NELL1: variants seen among roughly 807,000 people sequenced by gnomAD.
NELL1 encodes protein kinase C-binding protein NELL1.
NELL1 carries 76 observed loss-of-function variants against 107.4 expected under a neutral mutation model. The ratio of observed to expected loss-of-function variants is 0.71; its 90% CI spans 0.59 to 0.86. The LOEUF (loss-of-function observed/expected upper bound fraction) is 0.86. Among genes scored for constraint, NELL1 ranks in the 40% least tolerant of loss-of-function variants. The probability of loss-of-function intolerance (pLI) is 0.00; values close to 1 mark genes in which losing one functional copy is unlikely to be tolerated. For synonymous variants in NELL1, 353 were observed against 341.2 expected (o/e 1.03, Z -0.38); for missense variants, 1,024 against 1,005.5 (o/e 1.02, Z -0.25).
chr11:21,349,068 A>G (rs567871755), intron 14 of NELL1, among the ~76,000 whole-genome samples: 3 of 152,276 alleles, frequency 2.0e-5, no homozygotes, highest in East Asian at 1.9e-4. Flanking sequence ...GGAAAGCACA[A>G]AAGGTCATTT....
At chr11:21,348,074 A>G (rs1375766289) in intron 14 of NELL1, among the ~76,000 whole-genome samples, 2 of 151,804 alleles carry the variant, frequency 1.3e-5, no homozygotes, top group Non-Finnish European at 2.9e-5. Flanking sequence ...GACAGGGTGA[A>G]TTATTGTTGT....
chr11:21,161,557 G>A (rs1856370732), intron 13 of NELL1, among the ~76,000 whole-genome samples: 2 of 151,874 alleles, frequency 1.3e-5, no homozygotes, highest in Non-Finnish European at 1.5e-5. Flanking sequence ...TAAAAAAATA[G>A]AACTGCTGCC....
At chr11:21,182,102 A>C (rs1012534572) in intron 13 of NELL1, among the ~76,000 whole-genome samples, 1 of 151,864 alleles carries the variant, frequency 6.6e-6, no homozygotes, top group Non-Finnish European at 1.5e-5. Context: ...CTGAGATTCA[A>C]ATTCTAGCAG....
At chr11:21,407,879 T>C (rs764622455) in intron 15 of NELL1, among the ~76,000 whole-genome samples, 4 of 151,896 alleles carry the variant, frequency 2.6e-5, no homozygotes, top group African/African-American at 4.8e-5. Context: ...TCCTATCAAC[T>C]CTCTATGGTC....
chr11:21,486,437 G>A (rs545847750), intron 15 of NELL1, among the ~76,000 whole-genome samples: 2 of 152,202 alleles, frequency 1.3e-5, no homozygotes, highest in South Asian at 4.2e-4. Flanking sequence ...AAAGCTGAAG[G>A]CCCCACCCAC....
chr11:20,709,105 A>C (rs368419559), intron 2 of NELL1, among the ~76,000 whole-genome samples: 4 of 152,032 alleles, frequency 2.6e-5, no homozygotes, highest in African/African-American at 9.7e-5. Context: ...GGTTCCTGAC[A>C]AGGGGTTGGG....
chr11:21,176,050 C>T (rs1333879616), intron 13 of NELL1, among the ~76,000 whole-genome samples: 2 of 151,788 alleles, frequency 1.3e-5, no homozygotes, highest in Non-Finnish European at 2.9e-5. Flanking sequence ...CTACTATTTC[C>T]TTCCTGCAAA....
At chr11:21,082,090 C>T (rs1319062618) in intron 12 of NELL1, among the ~76,000 whole-genome samples, 1 of 152,110 alleles carries the variant, frequency 6.6e-6, no homozygotes, top group Admixed American at 6.6e-5. Context: ...CTCTGGGGAC[C>T]TTGAAAATTA....
chr11:21,518,173 C>G (rs937889272), intron 15 of NELL1, among the ~76,000 whole-genome samples: 2 of 150,676 alleles, frequency 1.3e-5, no homozygotes, highest in African/African-American at 4.9e-5. Context: ...TTCCCCCTTT[C>G]AGAAGCACAA....
intron 12 of NELL1, among the ~76,000 whole-genome samples, chr11:21,074,677 GT>G (rs5790158): frequency 0.8 from 121,013 of 151,370 alleles, 48,670 homozygotes; most frequent in East Asian, 1. Flanking sequence ...TTACACATGT[GT>G]TTTTTTTTTA....
intron 14 of NELL1, among the ~76,000 whole-genome samples, chr11:21,292,906 C>T (rs1307947415): frequency 6.6e-6 from 1 of 152,106 alleles, no homozygotes; most frequent in Non-Finnish European, 1.5e-5. Context: ...TGGACCCCTT[C>T]CTTACACCTT....
At chr11:20,938,924 CTCTCTCTCTCTCTCTCTG>C (rs751477332) in intron 10 of NELL1, among the ~76,000 whole-genome samples, 2,442 of 123,070 alleles carry the variant, frequency 0.02, 22 homozygotes, top group Non-Finnish European at 0.031. Flanking sequence ...CTCTCTCTCT[CTCTCTCTCTCTCTCTCTG>C]TGTGTGTGTG....
At chr11:20,953,897 T>C (rs2134206137) in intron 11 of NELL1, among the ~76,000 whole-genome samples, 1 of 152,328 alleles carries the variant, frequency 6.6e-6, no homozygotes, top group Admixed American at 6.5e-5. Context: ...CCTGCTAGAA[T>C]GTAGGATGAA....
chr11:20,958,543 C>T (rs1851225503), intron 11 of NELL1, among the ~76,000 whole-genome samples: 1 of 151,906 alleles, frequency 6.6e-6, no homozygotes, highest in African/African-American at 2.4e-5. Flanking sequence ...TAATAGAAGC[C>T]AGAAAACATG....
intron 11 of NELL1, among the ~76,000 whole-genome samples, chr11:20,952,086 A>C (rs1851080086): frequency 6.6e-6 from 1 of 151,934 alleles, no homozygotes; most frequent in Non-Finnish European, 1.5e-5. Context: ...AATATTGACC[A>C]TGTATTCTCA....
intron 15 of NELL1, among the ~76,000 whole-genome samples, chr11:21,468,652 T>C (rs1219144247): frequency 2.0e-5 from 3 of 152,070 alleles, no homozygotes; most frequent in Non-Finnish European, 4.4e-5. Flanking sequence ...AGGTAGAACC[T>C]ATGACCATAC....
rs190908536 is a variant in NELL1, at chr11:21,249,414, A to G, written c.1549+19960A>G. ...AGAAGGTTTTTTTTTCTTATTCACT[A>G]AAACAGTTACTTATTTTTTTTTTCA... On this transcript the variant is annotated intron_variant, in intron 14 of 19. Coordinates refer to ENST00000357134, the MANE Select transcript of NELL1 (RefSeq NM_006157.5). Among the ~76,000 whole-genome samples the G allele has an allele frequency of 5.3e-5, 8 of 152,166 alleles. No individual in the cohort carries two copies. In the East Asian group the frequency reaches 7.8e-4, roughly 15 times the overall value.
At chr11:21,002,655 G>T (rs918162197) in intron 12 of NELL1, among the ~76,000 whole-genome samples, 2 of 152,122 alleles carry the variant, frequency 1.3e-5, no homozygotes, top group Non-Finnish European at 2.9e-5. Flanking sequence ...GGCAGAAAGA[G>T]GTTCTCTTGT....
At chr11:20,939,635 G>C (rs1850806825) in intron 10 of NELL1, among the ~76,000 whole-genome samples, 1 of 152,106 alleles carries the variant, frequency 6.6e-6, no homozygotes, top group Non-Finnish European at 1.5e-5. Context: ...CAGTTACCTG[G>C]AATTATCACC....
Sources: gnomAD v4.1 joint callset for allele counts (sites outside exome capture counted in the v4.1 genomes callset) on GRCh38, gnomAD v4.1.1 for gene constraint, MANE v1.5 for transcripts, NCBI Gene and HGNC (gene_info 2026-07-23, HGNC 2026-07-21) for gene names.